The following CENPK variants were observed in gnomAD, a reference collection of about 807,000 sequenced individuals.
The protein encoded by CENPK is SoxLZ/Sox6-binding protein Solt.
In CENPK, 46 loss-of-function variants were observed where a neutral mutation model predicts 40.9. That is an observed-to-expected ratio of 1.13 (90% CI 0.89 to 1.44). The LOEUF (loss-of-function observed/expected upper bound fraction) is 1.44. Among genes scored for constraint, CENPK ranks in the 40% most tolerant of loss-of-function variants. The pLI, the probability that CENPK is intolerant of heterozygous loss-of-function variation, is 0.00. For missense variants in CENPK, 288 were observed against 303.5 expected (o/e 0.95, Z 0.38); for synonymous variants, 107 against 104.4 (o/e 1.02, Z -0.15).
chr5:65,530,600 T>C (rs1441937576), intron 6 of CENPK, among the ~76,000 whole-genome samples: 1 of 152,220 alleles, frequency 6.6e-6, no homozygotes, highest in African/African-American at 2.4e-5. Flanking sequence ...TTCTATTAGC[T>C]TTTTCTAAAT....
intron 2 of CENPK, among the ~76,000 whole-genome samples, chr5:65,558,761 T>C (rs1030719187): frequency 6.6e-6 from 1 of 152,030 alleles, no homozygotes; most frequent in Non-Finnish European, 1.5e-5. Context: ...AGTGAAAGAA[T>C]GGCCATAGGA....
the CENPK span, among the ~76,000 whole-genome samples, chr5:65,506,541 T>C: frequency 1.3e-5 from 2 of 152,136 alleles, no homozygotes; most frequent in African/African-American, 4.8e-5. Flanking sequence ...CCTAGCACTT[T>C]GGGAGGCCAA....
In CENPK at chr5:65,517,878, T is replaced by A. The variant is rs1287552641; in HGVS notation, c.*597A>T. ...GCAGAATCAAGAGTAGATTAATATA[T>A]AAGGTAACATGATATATTAATAATA... On this transcript the variant is annotated 3_prime_UTR_variant, in exon 11 of 11. Transcript: ENST00000396679. 6.6e-6 allele frequency: 1 copy of A among 152,066 alleles called. No individual in the cohort carries two copies. Among genetic ancestry groups the A allele is most frequent in the Non-Finnish European group, 1.5e-5 (1 of 67,952 alleles). 9.4% of individuals were successfully genotyped at this position (152,066 alleles called of 1,614,324 possible).
intron 6 of CENPK, among the ~76,000 whole-genome samples, chr5:65,537,458 C>T (rs1747129967): frequency 6.6e-6 from 1 of 152,170 alleles, no homozygotes. Context: ...GAACCCGCCA[C>T]CACGCCCAGC....
At chr5:65,508,586 A>G in the CENPK span, among the ~76,000 whole-genome samples, 1 of 152,276 alleles carries the variant, frequency 6.6e-6, no homozygotes, top group East Asian at 1.9e-4. Flanking sequence ...GGAGTTCGAC[A>G]CCAGCCTGGC....
At chr5:65,526,875 C>T (rs895371) in intron 9 of CENPK, among the ~76,000 whole-genome samples, 115,267 of 152,066 alleles carry the variant, frequency 0.76, 44,046 homozygotes, top group East Asian at 0.89. Flanking sequence ...GGCGGATCAA[C>T]TGAGGTCAGG....
chr5:65,528,278 TC>T (rs1186798708), intron 9 of CENPK, among the ~76,000 whole-genome samples, 173 bp downstream of exon 9: 10 of 140,296 alleles, frequency 7.1e-5, no homozygotes, highest in African/African-American at 2.4e-4. Flanking sequence ...ATATACTTAA[TC>T]CCATTTTATT....
At chr5:65,556,470 G>A (rs965541003) in intron 2 of CENPK, among the ~76,000 whole-genome samples, 1 of 151,954 alleles carries the variant, frequency 6.6e-6, no homozygotes, top group Non-Finnish European at 1.5e-5. Flanking sequence ...GACAAACTCT[G>A]TCTCTAAATT....
At chr5:65,551,115 T>C (rs928355769) in intron 5 of CENPK, 8 of 356,532 alleles carry the variant, frequency 2.2e-5, no homozygotes, top group Non-Finnish European at 3.8e-5. Context: ...CCAAGCATGG[T>C]GGCACACACT....
intron 9 of CENPK, 68 bp downstream of exon 9, chr5:65,528,384 T>G: frequency 7.0e-7 from 1 of 1,431,442 alleles, no homozygotes; most frequent in African/African-American, 1.5e-5. Flanking sequence ...TAAGAAAATA[T>G]GCTTCTAAAC....
intron 6 of CENPK, among the ~76,000 whole-genome samples, chr5:65,540,027 A>G: frequency 6.6e-6 from 1 of 152,220 alleles, no homozygotes; most frequent in South Asian, 2.1e-4. Context: ...CTTGAACAAC[A>G]GCACCTGGCT....
At chr5:65,546,231 C>G (rs1424778653) in intron 5 of CENPK, among the ~76,000 whole-genome samples, 1 of 125,200 alleles carries the variant, frequency 8.0e-6, no homozygotes, top group Non-Finnish European at 1.7e-5. Context: ...CTCCCCTGCC[C>G]CCCCGCTCAG....
At chr5:65,513,702 A>G (rs1742663879), downstream of CENPK, among the ~76,000 whole-genome samples, 1 of 152,176 alleles carries the variant, frequency 6.6e-6, no homozygotes, top group African/African-American at 2.4e-5. Context: ...TTTTTTGTTG[A>G]GACATAGGAA....
At chr5:65,527,155 T>C (rs1322686581) in intron 9 of CENPK, among the ~76,000 whole-genome samples, 1 of 151,944 alleles carries the variant, frequency 6.6e-6, no homozygotes, top group Non-Finnish European at 1.5e-5. Context: ...CTAAATTTCA[T>C]AATATGTTTC....
chr5:65,547,390 C>CAAA (rs70983677), intron 5 of CENPK, among the ~76,000 whole-genome samples: 2,048 of 109,136 alleles, frequency 0.019, 48 homozygotes, highest in African/African-American at 0.059. Flanking sequence ...AAGACTGTCT[C>CAAA]AAAAAAAAAA....
intron 9 of CENPK, among the ~76,000 whole-genome samples, chr5:65,522,775 T>A (rs1744018586): frequency 6.6e-6 from 1 of 152,184 alleles, no homozygotes; most frequent in Non-Finnish European, 1.5e-5. Flanking sequence ...CTCAATACCA[T>A]GATTATTCTC....
At chr5:65,554,470 C>T (rs1750653615) in intron 3 of CENPK, among the ~76,000 whole-genome samples, 1 of 152,128 alleles carries the variant, frequency 6.6e-6, no homozygotes. Flanking sequence ...TATCCTTGAC[C>T]CCTTCACCGG....
intron 8 of CENPK, 144 bp downstream of exon 8, chr5:65,528,775 A>G: frequency 1.1e-6 from 1 of 911,334 alleles, no homozygotes; most frequent in Non-Finnish European, 1.6e-6. Context: ...GTCACCCATA[A>G]AAGATCATAT....
chr5:65,553,205 A>T lies in CENPK; in HGVS notation c.112-656T>A, dbSNP rs537212866. Among the ~76,000 whole-genome samples the T allele has an allele frequency of 7.9e-5, 12 of 152,284 alleles. No individual in the cohort carries two copies. The East Asian group carries it at 2.3e-3, about 29-fold the overall frequency. ...AAAATAATTGTAAGAAAAGAGAAAA[A>T]CCTCACTAATTTGACCAGTTCTGAA... On this transcript the variant is annotated intron_variant, in intron 3 of 10. Coordinates refer to ENST00000396679, the MANE Select transcript of CENPK (RefSeq NM_022145.5).
Sources: allele counts gnomAD v4.1 joint callset (sites outside exome capture counted in the v4.1 genomes callset), GRCh38; gene constraint gnomAD v4.1.1; transcripts MANE v1.5; gene names NCBI Gene and HGNC (gene_info 2026-07-23, HGNC 2026-07-21).